Variants in RIMS2 observed in about 807,000 individuals in gnomAD.
RIMS2 encodes the protein regulating synaptic membrane exocytosis 2.
In RIMS2, 59 loss-of-function variants were observed where a neutral mutation model predicts 174.4. The ratio of observed to expected loss-of-function variants is 0.34; its 90% confidence interval spans 0.27 to 0.42. The LOEUF is 0.42. Ranked by LOEUF, RIMS2 falls within the 10% of genes least tolerant of loss-of-function variation. The probability of loss-of-function intolerance (pLI) is 1.00; values close to 1 mark genes in which losing one functional copy is unlikely to be tolerated. For missense variants in RIMS2, 1,620 were observed against 1,666.3 expected (o/e 0.97, Z 0.48); for synonymous variants, 606 against 572.5 (o/e 1.06, Z -0.84).
chr8:104,145,671 CAATA>C (rs61691382), intron 19 of RIMS2, among the ~76,000 whole-genome samples: 252 of 132,690 alleles, frequency 1.9e-3, no homozygotes, highest in Middle Eastern at 3.6e-3. Context: ...ACTAAAAATA[CAATA>C]AATAAATAAA....
intron 17 of RIMS2, among the ~76,000 whole-genome samples, chr8:104,001,584 G>A (rs1045309354): frequency 6.6e-6 from 1 of 151,772 alleles, no homozygotes; most frequent in African/African-American, 2.4e-5. Context: ...TAAATGCTAT[G>A]CTGAGTTTGC....
intron 1 of RIMS2, among the ~76,000 whole-genome samples, chr8:103,535,052 C>T (rs886837338): frequency 6.6e-5 from 10 of 152,114 alleles, no homozygotes; most frequent in Non-Finnish European, 1.3e-4. Context: ...CTCTTTCTGG[C>T]TAAAAGAATG....
intron 2 of RIMS2, among the ~76,000 whole-genome samples, chr8:103,706,179 T>A (rs1379043430): frequency 6.6e-6 from 1 of 152,172 alleles, no homozygotes; most frequent in African/African-American, 2.4e-5. Context: ...AAGAAAAGAA[T>A]CAAGCAAGCA....
At chr8:103,614,265 A>G (rs1268034834) in intron 1 of RIMS2, among the ~76,000 whole-genome samples, 3 of 152,238 alleles carry the variant, frequency 2.0e-5, no homozygotes, top group Non-Finnish European at 4.4e-5. Flanking sequence ...TGCTCTCTCC[A>G]TGCATGGGCA....
chr8:103,749,403 C>A (rs1034204593), intron 2 of RIMS2, among the ~76,000 whole-genome samples: 1 of 152,016 alleles, frequency 6.6e-6, no homozygotes, highest in South Asian at 2.1e-4. Flanking sequence ...TGAGCCACGG[C>A]GCCTGGCCAC....
At chr8:103,609,040 A>C (rs1213679485) in intron 1 of RIMS2, among the ~76,000 whole-genome samples, 1 of 152,028 alleles carries the variant, frequency 6.6e-6, no homozygotes, top group African/African-American at 2.4e-5. Context: ...CTTTTTAATA[A>C]TATCTATCTG....
chr8:103,959,572 AT>A (rs201434852), intron 14 of RIMS2, among the ~76,000 whole-genome samples: 3,856 of 150,448 alleles, frequency 0.026, 145 homozygotes, highest in African/African-American at 0.086. Context: ...CCTGACTAAT[AT>A]TTTTTTTCTT....
At position 104,042,885 on chromosome 8, in the gene RIMS2, A is replaced by G. The variant is rs1441957320; in HGVS notation, c.3334+28270A>G. 7.3e-5 allele frequency among the ~76,000 whole-genome samples: 11 copies of G among 151,688 alleles called. No homozygotes were observed. The East Asian group carries it at 2.1e-3, about 29-fold the overall frequency. On this transcript the variant is annotated intron_variant, in intron 19 of 23. Transcript: ENST00000504942. ...TAATGGAATTGTCAGTAGCATATGAAGAGTAATAAGAGAGACAAGAATCAA... is the reference window on the plus strand; with the variant it reads ...TAATGGAATTGTCAGTAGCATATGAGGAGTAATAAGAGAGACAAGAATCAA...
At chr8:103,924,532 C>A (rs1595246968) in intron 10 of RIMS2, among the ~76,000 whole-genome samples, 1 of 151,618 alleles carries the variant, frequency 6.6e-6, no homozygotes, top group Non-Finnish European at 1.5e-5. Context: ...AAGTCATAAA[C>A]CAACATGACA....
At chr8:104,123,692 A>G (rs1215436862) in intron 19 of RIMS2, among the ~76,000 whole-genome samples, 5 of 152,072 alleles carry the variant, frequency 3.3e-5, no homozygotes, top group Admixed American at 3.3e-4. Flanking sequence ...GTATTTTTAA[A>G]CCAATTTAAA....
At chr8:104,239,336 C>T (rs777494567) in intron 19 of RIMS2, among the ~76,000 whole-genome samples, 1 of 152,122 alleles carries the variant, frequency 6.6e-6, no homozygotes, top group South Asian at 2.1e-4. Context: ...AACGAGGACA[C>T]CTGTGTTCTT....
chr8:103,632,731 A>ATTTTTTTTTT lies in RIMS2; in HGVS notation c.177-64339_177-64330dup, dbSNP rs61579273. ...CCACTGCGCCCGGCCATATTTATTG[A>ATTTTTTTTTT]TTTTTTTTTTTTTTTTTTTTTTTTT... On this transcript the variant is annotated intron_variant, in intron 1 of 23. Coordinates refer to ENST00000504942, the Ensembl canonical transcript of RIMS2. 7.4e-4 allele frequency among the ~76,000 whole-genome samples: 52 copies of ATTTTTTTTTT among 70,390 alleles called. 1 individual carries two copies. The highest frequency in any genetic ancestry group is 9.2e-4 in the African/African-American group (15 of 16,290). 46.2% of individuals were successfully genotyped at this position (70,390 alleles called of 152,430 possible).
intron 1 of RIMS2, among the ~76,000 whole-genome samples, chr8:103,573,645 T>G (rs993393091): frequency 1.3e-5 from 2 of 152,212 alleles, no homozygotes; most frequent in Non-Finnish European, 2.9e-5. Flanking sequence ...TTGGGTAATG[T>G]GATACCTCCC....
At chr8:103,743,278 A>G (rs1488651024) in intron 2 of RIMS2, among the ~76,000 whole-genome samples, 1 of 152,184 alleles carries the variant, frequency 6.6e-6, no homozygotes, top group Non-Finnish European at 1.5e-5. Flanking sequence ...TCTTTTCAAG[A>G]TATTTGCCAA....
chr8:103,979,730 A>G (rs1451447415), intron 16 of RIMS2, among the ~76,000 whole-genome samples: 1 of 152,194 alleles, frequency 6.6e-6, no homozygotes, highest in African/African-American at 2.4e-5. Context: ...TCCTTCTCCT[A>G]ACCCCCAGCA....
intron 19 of RIMS2, among the ~76,000 whole-genome samples, chr8:104,186,950 T>C (rs1231914466): frequency 6.6e-6 from 1 of 151,680 alleles, no homozygotes; most frequent in Non-Finnish European, 1.5e-5. Context: ...AAATATGTCT[T>C]GCAGGAAAAT....
At chr8:103,614,923 A>G (rs142406777) in intron 1 of RIMS2, among the ~76,000 whole-genome samples, 21 of 152,298 alleles carry the variant, frequency 1.4e-4, no homozygotes, top group Non-Finnish European at 2.1e-4. Flanking sequence ...TTTCTAACAC[A>G]TATTAAACTT....
chr8:104,094,109 A>T (rs1374447065), intron 19 of RIMS2, among the ~76,000 whole-genome samples: 3 of 152,128 alleles, frequency 2.0e-5, no homozygotes, highest in Non-Finnish European at 4.4e-5. Flanking sequence ...AAATTTATAC[A>T]TATAGTATAT....
chr8:103,637,336 T>A (rs534724003), intron 1 of RIMS2, among the ~76,000 whole-genome samples: 2 of 152,342 alleles, frequency 1.3e-5, no homozygotes, highest in Admixed American at 6.5e-5. Context: ...GCATCTGTGT[T>A]CATTAAGGAT....
Sources: allele counts gnomAD v4.1 joint callset (sites outside exome capture counted in the v4.1 genomes callset), GRCh38; gene constraint gnomAD v4.1.1; transcripts MANE v1.5; gene names NCBI Gene and HGNC (gene_info 2026-07-23, HGNC 2026-07-21).